The following NPR1 variants were observed in gnomAD, a reference collection of about 807,000 sequenced individuals.
The protein encoded by NPR1 is atrial natriuretic peptide receptor 1.
In NPR1, 57 loss-of-function variants were observed where a neutral mutation model predicts 116.9. That is an observed-to-expected ratio of 0.49 (90% CI 0.39 to 0.61). The LOEUF is 0.61. NPR1 is among the 20% of genes least tolerant of loss of function. NPR1 has a pLI of 0.00. For synonymous variants in NPR1, 555 were observed against 601.6 expected, an observed-to-expected ratio of 0.92 and a Z score of 1.13; for missense variants, 1,096 against 1,409.8, an observed-to-expected ratio of 0.78 and a Z score of 3.56.
In NPR1 at chr1:153,685,072, G is replaced by A. The variant is rs1295232734; in HGVS notation, c.1593G>A (p.Leu531=). 6.2e-7 allele frequency: 1 copy of A among 1,614,024 alleles called. No homozygotes were observed. The highest frequency in any genetic ancestry group is 2.2e-5 in the East Asian group (1 of 44,882). Residue 531 remains leucine (L), a synonymous_variant, in exon 8 of 22, where the codon CTG becomes CTA. Coordinates refer to ENST00000368680, the MANE Select transcript of NPR1 (RefSeq NM_000906.4). The part of the protein sequence containing the change: ...ERHLRSAGSR[L]TLSGRGSNYG... The stretch of plus-strand genomic sequence containing the variant: ...ACCTGCGGAGTGCAGGCAGCCGGCT[G>A]ACCCTGAGCGGGGTAAGAACGCTGG...
At chr1:153,682,666 C>T (rs766752257) in intron 5 of NPR1, 77 bp downstream of exon 5, 1 of 1,083,676 alleles carries the variant, frequency 9.2e-7, no homozygotes, top group Non-Finnish European at 1.4e-6. Flanking sequence ...ACAGCCCTGC[C>T]AGGGCACCTG....
At chr1:153,680,895 G>T in intron 2 of NPR1, 195 bp downstream of exon 2, 2 of 625,620 alleles carry the variant, frequency 3.2e-6, no homozygotes, top group Non-Finnish European at 5.5e-6. Flanking sequence ...AAGGGCAGGG[G>T]ACTGCCCAGG....
rs1325466868 is a variant in NPR1, at chr1:153,687,644, G to C, written c.2103G>C (p.Trp701Cys). 6.3e-7 allele frequency: 1 copy of C among 1,586,020 alleles called. No homozygotes were observed. Among genetic ancestry groups the C allele is most frequent in the Non-Finnish European group, 8.6e-7 (1 of 1,161,610 alleles). ...ACCTCTGACCCACAGAAAAGCTGTG[G>C]ACGGCCCCTGAGCTCCTGCGAATGG... ...QGHTVYAKKL[W>C]TAPELLRMAS... Residue 701 changes from tryptophan to cysteine, a missense_variant, in exon 14 of 22, where the codon TGG (tryptophan) becomes TGC (cysteine). Trp to Cys is a radical substitution (Grantham distance 215, BLOSUM62 -2). Transcript: ENST00000368680.
Position 153,687,677 on chromosome 1 carries a change from C to G in NPR1, c.2136C>G (p.Pro712=), listed in dbSNP as rs1313241861. 6.2e-7 allele frequency: 1 copy of G among 1,604,720 alleles called. No individual in the cohort carries two copies. Among genetic ancestry groups the G allele is most frequent in the African/African-American group, 1.3e-5 (1 of 74,742 alleles). Residue 712 remains proline, a synonymous_variant, in exon 14 of 22, where the codon CCC becomes CCG. Coordinates refer to ENST00000368680, the MANE Select transcript of NPR1 (RefSeq NM_000906.4). The part of the protein sequence containing the change: ...TAPELLRMAS[P]PVRGSQAGDV... ...CTGAGCTCCTGCGAATGGCTTCACC[C>G]CCTGTGCGGGGCTCCCAGGCTGGTG...
rs765449783 is a variant in NPR1 at position 153,687,006 on chromosome 1, G to T, written c.1864-10G>T. The T allele has an allele frequency of 6.2e-7, 1 of 1,613,990 alleles. No individual in the cohort carries two copies. Among genetic ancestry groups the T allele is most frequent in the Non-Finnish European group, 8.5e-7 (1 of 1,179,848 alleles). ...GCAGGGGATTGGTCTGACTCTTATT[G>T]CCCCAGCAGGACATTCTGGAGAATG... On this transcript the variant is annotated splice_polypyrimidine_tract_variant and intron_variant, in intron 11 of 21. Coordinates refer to ENST00000368680, the MANE Select transcript of NPR1 (RefSeq NM_000906.4).
At position 153,686,160 on chromosome 1, in the gene NPR1, G is replaced by A. The variant is rs145787747; in HGVS notation, c.1718G>A (p.Arg573His). The A allele has an allele frequency of 2.0e-5, 32 of 1,614,014 alleles. No homozygotes were observed. The highest frequency in any genetic ancestry group is 8.0e-5 in the African/African-American group (6 of 74,910). ...LVAVKRVNRKRIELTRKVLFE... is the reference protein window; with the variant it reads ...LVAVKRVNRKHIELTRKVLFE... ...GCTGTGAAACGTGTGAACCGTAAAC[G>A]CATTGAGCTGACACGAAAAGTCCTG... is the stretch of plus-strand genomic sequence containing the variant. The change falls in exon 10 of 22, where the codon CGC becomes CAC. Residue 573 changes from arginine (R) to histidine (H), a missense_variant. Transcript: ENST00000368680.
Position 153,679,279 on chromosome 1 carries a change from C to A in NPR1, c.171C>A (p.Pro57=). 1.3e-6 allele frequency: 2 copies of A among 1,528,978 alleles called. No homozygotes were observed. The highest frequency in any genetic ancestry group is 1.7e-6 in the Non-Finnish European group (2 of 1,143,370). 94.7% of individuals were successfully genotyped at this position (1,528,978 alleles called of 1,614,324 possible). ...SYPWSWARVG[P]AVELALAQVK... is the part of the protein sequence containing the mutation. ...CCTGGTCGTGGGCGCGCGTGGGACC[C>A]GCCGTGGAGCTGGCCCTGGCCCAGG... The change falls in exon 1 of 22, where the codon CCC becomes CCA. Residue 57 remains proline, a synonymous_variant. Transcript: ENST00000368680. The surrounding 1 kb of genome is among the most constrained non-coding windows in gnomAD (Gnocchi z 4.2).
At chr1:153,681,877 G>A in intron 4 of NPR1, 38 bp downstream of exon 4, 1 of 1,607,340 alleles carries the variant, frequency 6.2e-7, no homozygotes, top group Non-Finnish European at 8.5e-7. Context: ...GCTGCCTTGG[G>A]GGATGAATCC....
chr1:153,685,124 G>T lies in NPR1; in HGVS notation c.1605+40G>T, dbSNP rs756917762. On this transcript the variant is annotated intron_variant, in intron 8 of 21. Coordinates refer to ENST00000368680, the MANE Select transcript of NPR1 (RefSeq NM_000906.4). ...GTTTGTGTTGGGGGGCAATAAAGGA[G>T]AGGTGGGTACAAGGGGCAGTGCCTG... The T allele has an allele frequency of 4.3e-6, 7 of 1,609,842 alleles. No individual in the cohort carries two copies. In the African/African-American group the frequency reaches 9.4e-5, roughly 22 times the overall value.
Position 153,689,904 on chromosome 1 carries a change from G to C in NPR1, c.2856G>C (p.Leu952=), listed in dbSNP as rs1269643507. The change falls in exon 19 of 22, where the codon CTG becomes CTC. Residue 952 remains leucine, a synonymous_variant. Coordinates refer to ENST00000368680, the MANE Select transcript of NPR1 (RefSeq NM_000906.4). The surrounding 1 kb of genome is among the most constrained non-coding windows in gnomAD (Gnocchi z 5.1). ...AGGTAGCCCGCATGGCCCTGGCACT[G>C]CTGGATGCTGTGCGCTCCTTCCGAA... ...ACEVARMALA[L]LDAVRSFRIR... 3 of 1,570,516 alleles carry C rather than the reference G, an allele frequency of 1.9e-6. No individual in the cohort carries two copies. The Admixed American group carries it at 5.5e-5, about 29-fold the overall frequency.
rs757834058 is a variant in NPR1, at chr1:153,679,608, A to G, written c.500A>G (p.Asp167Gly). 1 of 1,584,276 alleles carries G rather than the reference A, an allele frequency of 6.3e-7. No homozygotes were observed. The highest frequency in any genetic ancestry group is 8.6e-7 in the Non-Finnish European group (1 of 1,168,314). Residue 167 changes from aspartate (D) to glycine (G), a missense_variant, in exon 1 of 22, where the codon GAC (aspartate) becomes GGC (glycine). Physicochemically the swap from Asp to Gly is moderately conservative, Grantham distance 94. Coordinates refer to ENST00000368680, the MANE Select transcript of NPR1 (RefSeq NM_000906.4). The surrounding 1 kb of genome is among the most constrained non-coding windows in gnomAD (Gnocchi z 4.2). Reference protein sequence around the residue: ...RAGPSYAKLGDFVAALHRRLG... With the variant: ...RAGPSYAKLGGFVAALHRRLG... ...GGGCCCAGCTACGCCAAGCTGGGGG[A>G]CTTCGTGGCGGCGCTGCACCGACGG... is the stretch of plus-strand genomic sequence containing the variant.
At chr1:153,686,592 G>T (rs1364810051) in intron 10 of NPR1, 54 bp from the exon 11 acceptor site, 5 of 1,447,582 alleles carry the variant, frequency 3.5e-6, no homozygotes, top group Non-Finnish European at 4.8e-6. Flanking sequence ...CTAGTGAGCA[G>T]CTTGGTGAGG....
Position 153,693,594 on chromosome 1 carries a change from G to A in NPR1, c.*180G>A, listed in dbSNP as rs1248273906. 5 of 553,658 alleles carry A rather than the reference G, an allele frequency of 9.0e-6. No homozygotes were observed. Among genetic ancestry groups the A allele is most frequent in the Admixed American group, 7.2e-5 (2 of 27,830 alleles). The allele number at this position is 553,658 out of a possible 1,614,324, so 34.3% of individuals were successfully genotyped here. A position where few individuals can be genotyped will look rare whatever the true frequency, so the allele number is the denominator to read the frequency against. ...GGACCTCTGAGAGGGGACTGGCATG[G>A]GGGGATCTCAGAGCTTACAGGCTGA... On this transcript the variant is annotated 3_prime_UTR_variant, in exon 22 of 22. Coordinates refer to ENST00000368680, the MANE Select transcript of NPR1 (RefSeq NM_000906.4).
Position 153,688,057 on chromosome 1 carries a change from C to T in NPR1, c.2253C>T (p.Ile751=), listed in dbSNP as rs770209942. The change falls in exon 15 of 22, where the codon ATC becomes ATT. Residue 751 remains isoleucine, a synonymous_variant. Coordinates refer to ENST00000368680, the MANE Select transcript of NPR1 (RefSeq NM_000906.4). ...VEGLDLSPKE[I]IERVTRGEQP... The stretch of plus-strand genomic sequence containing the variant: ...TCCTCTACCCCCCCAATACAGAGAT[C>T]ATCGAGCGGGTGACTCGGGGTGAGC... 6.2e-7 allele frequency: 1 copy of T among 1,605,612 alleles called. No individual in the cohort carries two copies. Among genetic ancestry groups the T allele is most frequent in the Non-Finnish European group, 8.5e-7 (1 of 1,175,442 alleles).
chr1:153,680,667 T>C lies in NPR1; in HGVS notation c.888T>C (p.Asp296=), dbSNP rs892445587. The part of the protein sequence containing the change: ...PAPRRPWERG[D]GQDVSARQAF... ...CCCGCAGGCCCTGGGAGAGAGGGGA[T>C]GGGCAGGATGTCAGTGCCCGCCAGG... Residue 296 remains aspartate (D), a synonymous_variant, in exon 2 of 22, where the codon GAT becomes GAC. Coordinates refer to ENST00000368680, the MANE Select transcript of NPR1 (RefSeq NM_000906.4). 8.7e-6 allele frequency: 14 copies of C among 1,613,824 alleles called. No homozygotes were observed. In the Middle Eastern group the frequency reaches 6.6e-4, roughly 76 times the overall value.
At position 153,683,844 on chromosome 1, in the gene NPR1, G is replaced by C. The variant is rs1669853291; in HGVS notation, c.1484+20G>C. 1 of 1,608,264 alleles carries C rather than the reference G, an allele frequency of 6.2e-7. No individual in the cohort carries two copies. The highest frequency in any genetic ancestry group is 1.3e-5 in the African/African-American group (1 of 74,806). Reference sequence around the variant, plus strand: ...ATACAGGTGAGCTGTGATGTGGGGGGTTGAGTGAGGCTGGGGGACCCGGAG... The same window carrying C: ...ATACAGGTGAGCTGTGATGTGGGGGCTTGAGTGAGGCTGGGGGACCCGGAG... On this transcript the variant is annotated intron_variant, in intron 7 of 21. Coordinates refer to ENST00000368680, the MANE Select transcript of NPR1 (RefSeq NM_000906.4).
chr1:153,681,381 G>C (rs1399001326), intron 3 of NPR1, 88 bp downstream of exon 3: 1 of 793,702 alleles, frequency 1.3e-6, no homozygotes, highest in African/African-American at 1.7e-5. Flanking sequence ...CCTATTCCCA[G>C]TTCTCCCCTT....
intron 7 of NPR1, 40 bp downstream of exon 7, chr1:153,683,864 C>G (rs972345577): frequency 6.3e-7 from 1 of 1,583,744 alleles, no homozygotes; most frequent in South Asian, 1.1e-5. Context: ...GCTGGGGGAC[C>G]CGGAGAACCA....
In NPR1 at chr1:153,685,065, G is replaced by A; in HGVS notation, c.1586G>A (p.Ser529Asn). The change falls in exon 8 of 22, where the codon AGC (serine) becomes AAC (asparagine). Residue 529 changes from serine to asparagine, a missense_variant. Transcript: ENST00000368680. ...SLERHLRSAG[S>N]RLTLSGRGSN... ...GAGAGGCACCTGCGGAGTGCAGGCA[G>A]CCGGCTGACCCTGAGCGGGGTAAGA... 6.2e-7 allele frequency: 1 copy of A among 1,614,046 alleles called. No homozygotes were observed. Among genetic ancestry groups the A allele is most frequent in the South Asian group, 1.1e-5 (1 of 91,074 alleles).
Sources: allele counts gnomAD v4.1 joint callset, GRCh38; gene constraint gnomAD v4.1.1; non-coding constraint Gnocchi (gnomAD v3.1); transcripts MANE v1.5; gene names NCBI Gene and HGNC (gene_info 2026-07-23, HGNC 2026-07-21).